Variants in KAZN observed in about 807,000 individuals in gnomAD.
KAZN encodes the protein kazrin.
KAZN carries 40 observed loss-of-function variants against 87.4 expected under a neutral mutation model. That is an observed-to-expected ratio of 0.46 (90% CI 0.36 to 0.60). The LOEUF (loss-of-function observed/expected upper bound fraction) is 0.60, where lower values mean the gene tolerates loss of function less well. Ranked by LOEUF, KAZN falls within the 20% of genes least tolerant of loss-of-function variation. The pLI, the probability that KAZN is intolerant of heterozygous loss-of-function variation, is 0.00. For synonymous variants in KAZN, 466 were observed against 458.3 expected, an observed-to-expected ratio of 1.02 and a Z score of -0.22; for missense variants, 898 against 1,073.9, an observed-to-expected ratio of 0.84 and a Z score of 2.29.
chr1:14,753,845 G>A (rs1213556591), intron 1 of KAZN, among the ~76,000 whole-genome samples: 3 of 152,196 alleles, frequency 2.0e-5, no homozygotes, highest in South Asian at 2.1e-4. Flanking sequence ...TGGAGGCTGC[G>A]AAGTCCAAGA....
chr1:13,983,352 G>C (rs567372627), intron 1 of KAZN, among the ~76,000 whole-genome samples: 1 of 152,238 alleles, frequency 6.6e-6, no homozygotes, highest in Non-Finnish European at 1.5e-5. Context: ...GCGCAGTGCC[G>C]GTGGGCTGGC....
At chr1:14,695,881 C>T (rs1204909139) in intron 1 of KAZN, among the ~76,000 whole-genome samples, 1 of 152,072 alleles carries the variant, frequency 6.6e-6, no homozygotes, top group Non-Finnish European at 1.5e-5. Context: ...CTACAGCCAG[C>T]ATACATATGT....
intron 2 of KAZN, among the ~76,000 whole-genome samples, chr1:14,494,012 C>G (rs1669814062): frequency 6.6e-6 from 1 of 152,204 alleles, no homozygotes; most frequent in Admixed American, 6.5e-5. Context: ...TGGGCCATGT[C>G]TTCTGGCTTT....
chr1:14,412,186 T>C (rs1009160639), intron 2 of KAZN, among the ~76,000 whole-genome samples: 4 of 152,192 alleles, frequency 2.6e-5, no homozygotes, highest in South Asian at 2.1e-4. Context: ...TAAACCTCAA[T>C]GCATCAGGGC....
At chr1:14,086,130 T>C (rs141802062) in intron 1 of KAZN, among the ~76,000 whole-genome samples, 186 of 152,354 alleles carry the variant, frequency 1.2e-3, no homozygotes, top group African/African-American at 4.3e-3. Context: ...TTAGGAGTTC[T>C]TCATATATTT....
At chr1:13,926,139 C>A (rs569045257) in intron 1 of KAZN, among the ~76,000 whole-genome samples, 2 of 152,278 alleles carry the variant, frequency 1.3e-5, no homozygotes, top group African/African-American at 4.8e-5. Flanking sequence ...TCCTAGGAAG[C>A]TTTCACCAAT....
At chr1:13,974,322 T>C (rs1233605285) in intron 1 of KAZN, among the ~76,000 whole-genome samples, 3 of 152,234 alleles carry the variant, frequency 2.0e-5, no homozygotes, top group African/African-American at 7.2e-5. Flanking sequence ...TATATCAGTG[T>C]AGGGAACTGT....
At chr1:14,080,805 T>C (rs945966114) in intron 1 of KAZN, among the ~76,000 whole-genome samples, 1 of 152,182 alleles carries the variant, frequency 6.6e-6, no homozygotes, top group South Asian at 2.1e-4. Context: ...CAACCCCAGG[T>C]AATGATTTGT....
rs545959773 is a variant in KAZN, at chr1:14,798,416, C to CTTTT, written c.227-162242_227-162239dup. ...TTGCTTTCTTTTTTCTGTTTCTTTCCTTTTTTTTTTTTTTTTTTTTTTTTT... is the reference window on the plus strand; with the variant it reads ...TTGCTTTCTTTTTTCTGTTTCTTTCCTTTTTTTTTTTTTTTTTTTTTTTTTTTTT... On this transcript the variant is annotated intron_variant, in intron 1 of 14. Coordinates refer to ENST00000376030, the MANE Select transcript of KAZN (RefSeq NM_201628.3). Among the ~76,000 whole-genome samples the CTTTT allele has an allele frequency of 1.0e-3, 89 of 88,144 alleles. 7 individuals are homozygous for CTTTT. Among genetic ancestry groups the CTTTT allele is most frequent in the South Asian group, 1.9e-3 (4 of 2,154 alleles). The allele number at this position is 88,144 out of a possible 152,430, so 57.8% of individuals were successfully genotyped here.
At chr1:13,973,407 C>G (rs1642201387) in intron 1 of KAZN, among the ~76,000 whole-genome samples, 1 of 152,140 alleles carries the variant, frequency 6.6e-6, no homozygotes, top group South Asian at 2.1e-4. Context: ...CCAGTGGAAA[C>G]CACTGGCAGA....
chr1:14,738,045 T>C (rs1380791889), intron 1 of KAZN, among the ~76,000 whole-genome samples: 1 of 151,882 alleles, frequency 6.6e-6, no homozygotes, highest in Non-Finnish European at 1.5e-5. Context: ...ATCTTGGGGG[T>C]TTAGAATTCT....
intron 1 of KAZN, among the ~76,000 whole-genome samples, chr1:14,097,603 T>A (rs1475949320): frequency 6.6e-6 from 1 of 152,176 alleles, no homozygotes; most frequent in African/African-American, 2.4e-5. Flanking sequence ...CAGAATAATG[T>A]ATGTGAGGGG....
At chr1:14,385,687 A>G (rs1367900943) in intron 2 of KAZN, among the ~76,000 whole-genome samples, 5 of 151,670 alleles carry the variant, frequency 3.3e-5, no homozygotes, top group Admixed American at 2.0e-4. Flanking sequence ...ATAGTTTGTT[A>G]TAATTTCTGT....
intron 2 of KAZN, among the ~76,000 whole-genome samples, chr1:14,508,473 C>T (rs956052111): frequency 3.9e-5 from 6 of 152,128 alleles, no homozygotes; most frequent in African/African-American, 7.2e-5. Context: ...TAATAAACTA[C>T]GGATGAATTT....
intron 1 of KAZN, among the ~76,000 whole-genome samples, chr1:14,632,320 T>C (rs895673324): frequency 2.6e-5 from 4 of 152,162 alleles, no homozygotes; most frequent in African/African-American, 9.7e-5. Context: ...TCATGGTTGG[T>C]TTTTAAGGGA....
chr1:14,993,510 G>A (rs748360224), intron 2 of KAZN, among the ~76,000 whole-genome samples: 2 of 151,970 alleles, frequency 1.3e-5, no homozygotes, highest in African/African-American at 2.4e-5. Context: ...CAGTTCAGGT[G>A]GCGTCTGCCC....
At chr1:14,063,995 C>A (rs765724097) in intron 1 of KAZN, among the ~76,000 whole-genome samples, 1 of 152,104 alleles carries the variant, frequency 6.6e-6, no homozygotes, top group Admixed American at 6.5e-5. Flanking sequence ...CGGCTCACTG[C>A]AACCTCCACC....
Position 15,066,818 on chromosome 1 carries a change from C to G in KAZN, c.1222+1065C>G. 2 of 985,508 alleles carry G rather than the reference C, an allele frequency of 2.0e-6. No homozygotes were observed. The highest frequency in any genetic ancestry group is 2.4e-6 in the Non-Finnish European group (2 of 830,002). 61.0% of individuals were successfully genotyped at this position (985,508 alleles called of 1,614,324 possible). ...TCTGTTGGTTCTTCTCTCTCCTTCT[C>G]TCTCTGTCTCTCCCATTCTCCTGCC... On this transcript the variant is annotated intron_variant, in intron 8 of 14. Transcript: ENST00000376030. This position sits in a 1 kb window ranked among gnomAD's most constrained non-coding sequence, Gnocchi z 4.3.
intron 1 of KAZN, among the ~76,000 whole-genome samples, chr1:14,922,358 C>A (rs553903830): frequency 2.0e-5 from 3 of 152,214 alleles, no homozygotes; most frequent in South Asian, 2.1e-4. Flanking sequence ...AGTGATCATT[C>A]TTTTGTTCTG....
Sources: gnomAD v4.1 joint callset for allele counts (sites outside exome capture counted in the v4.1 genomes callset) on GRCh38, gnomAD v4.1.1 for gene constraint, Gnocchi (gnomAD v3.1) non-coding constraint, MANE v1.5 for transcripts, NCBI Gene and HGNC (gene_info 2026-07-23, HGNC 2026-07-21) for gene names.